The following EXOC6B variants were observed in gnomAD, a reference collection of about 807,000 sequenced individuals.
EXOC6B encodes SEC15 homolog B.
A neutral mutation model predicts 113.5 loss-of-function variants in EXOC6B; 54 were observed. The observed-to-expected ratio is 0.48, with a 90% CI of 0.38 to 0.60. The LOEUF is 0.60. Ranked by LOEUF, EXOC6B falls within the 20% of genes least tolerant of loss-of-function variation. EXOC6B has a pLI of 0.00. For synonymous variants in EXOC6B, 357 were observed against 339.0 expected (o/e 1.05, Z -0.58); for missense variants, 797 against 977.5 (o/e 0.82, Z 2.46).
intron 6 of EXOC6B, among the ~76,000 whole-genome samples, chr2:72,686,112 C>CT (rs756044982): frequency 1.2e-4 from 19 of 152,172 alleles, no homozygotes; most frequent in Non-Finnish European, 2.2e-4. Flanking sequence ...TGATAATTCC[C>CT]TTTTTTTTCC....
chr2:72,265,919 T>A (rs2104603345), intron 20 of EXOC6B, among the ~76,000 whole-genome samples: 1 of 152,298 alleles, frequency 6.6e-6, no homozygotes, highest in East Asian at 1.9e-4. Context: ...GCACCTGTTG[T>A]TTCCTGACTT....
intron 8 of EXOC6B, among the ~76,000 whole-genome samples, chr2:72,524,699 A>T (rs1320385708): frequency 1.3e-5 from 2 of 152,334 alleles, no homozygotes; most frequent in Admixed American, 6.5e-5. Flanking sequence ...CACATGGCAC[A>T]CCTATACCAA....
intron 19 of EXOC6B, among the ~76,000 whole-genome samples, chr2:72,357,698 A>T (rs2104969005): frequency 6.6e-6 from 1 of 151,938 alleles, no homozygotes; most frequent in South Asian, 2.1e-4. Context: ...TTAAAAAAAA[A>T]AAAGATGATA....
chr2:72,369,064 G>A (rs1258535596), intron 19 of EXOC6B, among the ~76,000 whole-genome samples: 1 of 152,160 alleles, frequency 6.6e-6, no homozygotes, highest in Non-Finnish European at 1.5e-5. Context: ...AGGAAAAGAG[G>A]TAGTCAAATT....
At chr2:72,484,402 C>CA (rs34881607) in intron 16 of EXOC6B, among the ~76,000 whole-genome samples, 20,330 of 131,434 alleles carry the variant, frequency 0.15, 1,807 homozygotes, top group African/African-American at 0.28. Context: ...ACTAAAAATA[C>CA]AAAAAAAAAA....
chr2:72,321,360 C>A (rs1168657407), intron 20 of EXOC6B, among the ~76,000 whole-genome samples: 1 of 151,974 alleles, frequency 6.6e-6, no homozygotes, highest in African/African-American at 2.4e-5. Context: ...CATGGTGAAA[C>A]CTCGTCTCTC....
At chr2:72,182,304 C>T (rs41410) in intron 21 of EXOC6B, among the ~76,000 whole-genome samples, 58,596 of 151,828 alleles carry the variant, frequency 0.39, 12,764 homozygotes, top group African/African-American at 0.58. Context: ...CCAGAGATTC[C>T]TGGGAACGGA....
intron 6 of EXOC6B, among the ~76,000 whole-genome samples, chr2:72,716,751 A>G (rs1052359806): frequency 6.6e-6 from 1 of 152,112 alleles, no homozygotes; most frequent in African/African-American, 2.4e-5. Context: ...TAATTAAGGA[A>G]TGAGACCAGC....
At chr2:72,734,721 C>T (rs1474453358) in intron 2 of EXOC6B, among the ~76,000 whole-genome samples, 2 of 152,160 alleles carry the variant, frequency 1.3e-5, no homozygotes, top group African/African-American at 2.4e-5. Flanking sequence ...AGTAATACCA[C>T]ACTATGAAAT....
chr2:72,645,630 A>C (rs1216213072), intron 6 of EXOC6B, among the ~76,000 whole-genome samples: 1 of 152,250 alleles, frequency 6.6e-6, no homozygotes, highest in East Asian at 1.9e-4. Context: ...ACTCAGAATT[A>C]AGAAACTCAC....
rs376813641 is a variant in EXOC6B at position 72,687,695 on chromosome 2, G to A, written c.669+30408C>T. ...GGTTAAGCTGAAAGTCTGCTTAAGA[G>A]GAGGTTAGACCCTGAGATCACCTTT... On this transcript the variant is annotated intron_variant, in intron 6 of 21. Transcript: ENST00000272427. Among the ~76,000 whole-genome samples, 23 of 152,242 alleles carry A rather than the reference G, an allele frequency of 1.5e-4. 2 individuals are homozygous for A. Among genetic ancestry groups the A allele is most frequent in the African/African-American group, 4.6e-4 (19 of 41,536 alleles).
intron 20 of EXOC6B, among the ~76,000 whole-genome samples, chr2:72,221,330 G>A (rs1243192624): frequency 6.6e-6 from 1 of 152,180 alleles, no homozygotes; most frequent in South Asian, 2.1e-4. Flanking sequence ...AAAAATGCCA[G>A]TAAATTTTAA....
chr2:72,412,474 G>A (rs1468887965), intron 18 of EXOC6B, among the ~76,000 whole-genome samples: 3 of 152,116 alleles, frequency 2.0e-5, no homozygotes, highest in African/African-American at 7.2e-5. Flanking sequence ...TCAAGTAGTG[G>A]CCATCTGATT....
intron 18 of EXOC6B, among the ~76,000 whole-genome samples, chr2:72,404,420 G>C (rs907684889): frequency 6.6e-6 from 1 of 152,190 alleles, no homozygotes; most frequent in African/African-American, 2.4e-5. Flanking sequence ...CTTCAGGTGG[G>C]TCCCTGACCC....
chr2:72,714,166 T>C (rs1418050189), intron 6 of EXOC6B, among the ~76,000 whole-genome samples: 2 of 152,228 alleles, frequency 1.3e-5, no homozygotes, highest in African/African-American at 4.8e-5. Context: ...TTAGAGTTTG[T>C]CTGTTATAGC....
chr2:72,662,156 A>C (rs1675070076), intron 6 of EXOC6B, among the ~76,000 whole-genome samples: 1 of 151,948 alleles, frequency 6.6e-6, no homozygotes, highest in Non-Finnish European at 1.5e-5. Flanking sequence ...AAAGAGAGAA[A>C]GAGAAGAAAC....
intron 6 of EXOC6B, among the ~76,000 whole-genome samples, chr2:72,712,239 G>T (rs1040785673): frequency 6.6e-6 from 1 of 152,070 alleles, no homozygotes; most frequent in Non-Finnish European, 1.5e-5. Flanking sequence ...TTCTATTTGA[G>T]GCCAAAATAA....
chr2:72,335,921 A>G (rs1688668070), intron 19 of EXOC6B, among the ~76,000 whole-genome samples: 1 of 152,154 alleles, frequency 6.6e-6, no homozygotes, highest in African/African-American at 2.4e-5. Flanking sequence ...ATGGCTGTAC[A>G]GGGATATAAG....
At chr2:72,401,318 C>T (rs1292999009) in intron 18 of EXOC6B, among the ~76,000 whole-genome samples, 1 of 148,834 alleles carries the variant, frequency 6.7e-6, no homozygotes, top group Non-Finnish European at 1.5e-5. Context: ...AAAAATTAGG[C>T]AGGTGTGGTG....
Sources: allele counts gnomAD v4.1 joint callset (sites outside exome capture counted in the v4.1 genomes callset), GRCh38; gene constraint gnomAD v4.1.1; transcripts MANE v1.5; gene names NCBI Gene and HGNC (gene_info 2026-07-23, HGNC 2026-07-21).